CDC42SE2: variants seen among roughly 807,000 people sequenced by gnomAD.
CDC42SE2 encodes the protein CDC42 small effector protein 2.
CDC42SE2 carries 3 observed loss-of-function variants against 11.5 expected under a neutral mutation model. That is an observed-to-expected ratio of 0.26 (90% CI 0.12 to 0.67). The LOEUF (loss-of-function observed/expected upper bound fraction) is 0.67. Ranked by LOEUF, CDC42SE2 falls within the 30% of genes least tolerant of loss-of-function variation. The pLI is 0.80. For missense variants in CDC42SE2, 82 were observed against 106.8 expected, an observed-to-expected ratio of 0.77 and a Z score of 1.02; for synonymous variants, 33 against 34.8, an observed-to-expected ratio of 0.95 and a Z score of 0.18.
chr5:131,344,402 C>G (rs915050639), intron 2 of CDC42SE2, among the ~76,000 whole-genome samples: 1 of 152,174 alleles, frequency 6.6e-6, no homozygotes, highest in Admixed American at 6.5e-5. Context: ...TCGCTCACTG[C>G]TAGAACAGCA....
intron 1 of CDC42SE2, among the ~76,000 whole-genome samples, chr5:131,310,312 T>G (rs376395784): frequency 6.6e-6 from 1 of 151,746 alleles, no homozygotes; most frequent in Non-Finnish European, 1.5e-5. Flanking sequence ...GTCTGAGAGA[T>G]AGTTTGTTAT....
intron 1 of CDC42SE2, among the ~76,000 whole-genome samples, chr5:131,270,066 CAAAA>C (rs1012797436): frequency 2.8e-5 from 4 of 144,004 alleles, no homozygotes; most frequent in African/African-American, 1.0e-4. Context: ...CTCAAAAAAA[CAAAA>C]AAACAAACAA....
chr5:131,351,866 TG>T (rs1759021135), intron 2 of CDC42SE2, among the ~76,000 whole-genome samples: 1 of 152,198 alleles, frequency 6.6e-6, no homozygotes, highest in Non-Finnish European at 1.5e-5. Context: ...CTTCGAAAGA[TG>T]TTGTTCGGTA....
intron 2 of CDC42SE2, among the ~76,000 whole-genome samples, chr5:131,354,030 A>G (rs1171323103): frequency 6.6e-6 from 1 of 152,168 alleles, no homozygotes; most frequent in African/African-American, 2.4e-5. Context: ...ACTTGAGCCC[A>G]GGAGTTTGAG....
At chr5:131,256,936 T>G (rs1178141070) in intron 2 of CDC42SE2, among the ~76,000 whole-genome samples, 1 of 152,250 alleles carries the variant, frequency 6.6e-6, no homozygotes, top group African/African-American at 2.4e-5. Context: ...ATAGGAATGC[T>G]ATCTCATCCT....
At chr5:131,311,521 A>C (rs1399507839) in intron 1 of CDC42SE2, among the ~76,000 whole-genome samples, 1 of 151,788 alleles carries the variant, frequency 6.6e-6, no homozygotes, top group Admixed American at 6.6e-5. Context: ...TCTCCTGGAT[A>C]ATATCCTGCA....
intron 4 of CDC42SE2, among the ~76,000 whole-genome samples, chr5:131,386,440 T>C (rs1229013828): frequency 1.3e-5 from 2 of 152,248 alleles, no homozygotes; most frequent in East Asian, 1.9e-4. Context: ...TAAGTTCTCA[T>C]GCACTAAGCA....
intron 1 of CDC42SE2, among the ~76,000 whole-genome samples, chr5:131,268,011 C>T (rs1282721403): frequency 6.9e-6 from 1 of 144,084 alleles, no homozygotes; most frequent in Non-Finnish European, 1.5e-5. Context: ...TTTCCTGTGT[C>T]GTCTTGAGAG....
rs191063604 is a variant in CDC42SE2 at position 131,347,399 on chromosome 5, A to C, written c.-285-11810A>C. 4.2e-3 allele frequency among the ~76,000 whole-genome samples: 633 copies of C among 152,344 alleles called. 6 individuals carry two copies. The highest frequency in any genetic ancestry group is 0.015 in the African/African-American group (613 of 41,582). On this transcript the variant is annotated intron_variant, in intron 2 of 4. Transcript: ENST00000505065. Reference sequence around the variant, plus strand: ...TATGCAAATAAACTAGAAAATCTAGAAGAAATGGATAAATTACTCGACACA... The same window carrying C: ...TATGCAAATAAACTAGAAAATCTAGCAGAAATGGATAAATTACTCGACACA...
chr5:131,353,993 A>C (rs951701559), intron 2 of CDC42SE2, among the ~76,000 whole-genome samples: 1 of 152,154 alleles, frequency 6.6e-6, no homozygotes, highest in Non-Finnish European at 1.5e-5. Context: ...TAATCCCAGC[A>C]TTTTGGGAGA....
rs182211904 is a variant in CDC42SE2 at position 131,311,607 on chromosome 5, C to G, written c.-454-4369C>G. Among the ~76,000 whole-genome samples, 22 of 152,312 alleles carry G rather than the reference C, an allele frequency of 1.4e-4. No homozygotes were observed. The East Asian group carries it at 3.9e-3, about 27-fold the overall frequency. Reference sequence around the variant, plus strand: ...ATCAGACGTAGATTTGGTCTTTTCACATAGTCCCATATTTCTTGAAGACTT... The same window carrying G: ...ATCAGACGTAGATTTGGTCTTTTCAGATAGTCCCATATTTCTTGAAGACTT... On this transcript the variant is annotated intron_variant, in intron 1 of 4. Coordinates refer to ENST00000505065, the MANE Select transcript of CDC42SE2 (RefSeq NM_001375635.1).
rs568397657 is a variant in CDC42SE2 at position 131,305,950 on chromosome 5, T to C, written c.-454-10026T>C. On this transcript the variant is annotated intron_variant, in intron 1 of 4. Coordinates refer to ENST00000505065, the MANE Select transcript of CDC42SE2 (RefSeq NM_001375635.1). ...TTTTGTGTATGGTGTGAGATAATGGTCCACTTTTATTCTTTTCCTTGTGGA... is the reference window on the plus strand; with the variant it reads ...TTTTGTGTATGGTGTGAGATAATGGCCCACTTTTATTCTTTTCCTTGTGGA... Among the ~76,000 whole-genome samples the C allele has an allele frequency of 3.3e-5, 5 of 152,334 alleles. No homozygotes were observed. The East Asian group carries it at 9.6e-4, about 29-fold the overall frequency.
chr5:131,389,173 A>G (rs1458303759), intron 4 of CDC42SE2, among the ~76,000 whole-genome samples: 1 of 152,192 alleles, frequency 6.6e-6, no homozygotes, highest in African/African-American at 2.4e-5. Flanking sequence ...AAATATCTAT[A>G]AAAGCTAACA....
At chr5:131,217,294 A>C in the CDC42SE2 span, among the ~76,000 whole-genome samples, 4 of 152,222 alleles carry the variant, frequency 2.6e-5, no homozygotes, top group African/African-American at 4.8e-5. Context: ...ATTATTTACT[A>C]TCTATCTCTT....
chr5:131,380,689 A>T (rs1750295443), intron 3 of CDC42SE2, among the ~76,000 whole-genome samples: 1 of 151,654 alleles, frequency 6.6e-6, no homozygotes, highest in African/African-American at 2.4e-5. Flanking sequence ...CTTTTTCTGT[A>T]CCTCTTTTAC....
chr5:131,349,547 AAC>A (rs1372248391), intron 2 of CDC42SE2, among the ~76,000 whole-genome samples: 7 of 152,240 alleles, frequency 4.6e-5, no homozygotes, highest in African/African-American at 1.7e-4. Context: ...TTCGAGAATC[AAC>A]AGTTATATAT....
chr5:131,295,092 G>A (rs181497906), intron 1 of CDC42SE2, among the ~76,000 whole-genome samples: 10 of 151,396 alleles, frequency 6.6e-5, no homozygotes, highest in South Asian at 6.3e-4. Flanking sequence ...ATGCCACTGC[G>A]CTCCATTCTG....
At chr5:131,332,875 G>A (rs1307671500) in intron 2 of CDC42SE2, among the ~76,000 whole-genome samples, 3 of 152,178 alleles carry the variant, frequency 2.0e-5, no homozygotes, top group Non-Finnish European at 4.4e-5. Flanking sequence ...TTAGCCCTGT[G>A]TCAGATGAGT....
intron 3 of CDC42SE2, among the ~76,000 whole-genome samples, chr5:131,370,847 A>C (rs1171193605): frequency 6.6e-6 from 1 of 152,092 alleles, no homozygotes; most frequent in Non-Finnish European, 1.5e-5. Flanking sequence ...ATAAGCCTAG[A>C]CACAACAAGA....
Sources: gnomAD v4.1 joint callset for allele counts (sites outside exome capture counted in the v4.1 genomes callset) on GRCh38, gnomAD v4.1.1 for gene constraint, MANE v1.5 for transcripts, NCBI Gene and HGNC (gene_info 2026-07-23, HGNC 2026-07-21) for gene names.